ADGRB3: variants seen among roughly 807,000 people sequenced by gnomAD.
The protein encoded by ADGRB3 is adhesion G protein-coupled receptor B3.
A neutral mutation model predicts 193.4 loss-of-function variants in ADGRB3; 37 were observed. The observed-to-expected ratio is 0.19, with a 90% CI of 0.15 to 0.25. The LOEUF is 0.25. Ranked by LOEUF, ADGRB3 falls within the 10% of genes least tolerant of loss-of-function variation. ADGRB3 has a pLI of 1.00. For missense variants in ADGRB3, 1,637 were observed against 1,852.9 expected (o/e 0.88, Z 2.14); for synonymous variants, 690 against 644.2 (o/e 1.07, Z -1.08).
chr6:69,269,355 A>G (rs1374286005), intron 20 of ADGRB3, among the ~76,000 whole-genome samples: 1 of 152,188 alleles, frequency 6.6e-6, no homozygotes. Context: ...TAAAAATTTC[A>G]AACATTTACA....
intron 17 of ADGRB3, among the ~76,000 whole-genome samples, chr6:69,220,519 A>G (rs1765870207): frequency 6.6e-6 from 1 of 152,132 alleles, no homozygotes; most frequent in African/African-American, 2.4e-5. Context: ...GAACTTTCCT[A>G]ACAAAGGAGA....
intron 4 of ADGRB3, among the ~76,000 whole-genome samples, chr6:68,933,935 C>T (rs1192357545): frequency 6.6e-6 from 1 of 152,090 alleles, no homozygotes; most frequent in African/African-American, 2.4e-5. Context: ...TCCAAAGATA[C>T]ATATATTAAA....
chr6:69,128,346 T>A (rs925138185), intron 17 of ADGRB3, among the ~76,000 whole-genome samples: 3 of 152,146 alleles, frequency 2.0e-5, no homozygotes, highest in Non-Finnish European at 2.9e-5. Context: ...CAGTTTAGAG[T>A]CATTTCTTAA....
intron 3 of ADGRB3, among the ~76,000 whole-genome samples, chr6:68,801,156 C>T (rs1767303059): frequency 1.3e-5 from 2 of 152,132 alleles, no homozygotes; most frequent in Admixed American, 1.3e-4. Context: ...AAACTTAGTC[C>T]TCCTCCTCTG....
chr6:68,930,227 A>G (rs1767301226), intron 3 of ADGRB3, among the ~76,000 whole-genome samples: 1 of 152,036 alleles, frequency 6.6e-6, no homozygotes, highest in Admixed American at 6.6e-5. Context: ...TTCTCTCTCT[A>G]AAAAAACAAC....
intron 10 of ADGRB3, among the ~76,000 whole-genome samples, chr6:68,985,049 G>A (rs1237535440): frequency 6.6e-6 from 1 of 151,940 alleles, no homozygotes; most frequent in East Asian, 2.0e-4. Flanking sequence ...AAATATAATA[G>A]GATTAGCAGG....
At chr6:68,817,165 T>A in intron 3 of ADGRB3, among the ~76,000 whole-genome samples, 1 of 151,486 alleles carries the variant, frequency 6.6e-6, no homozygotes, top group East Asian at 1.9e-4. Flanking sequence ...TGGTATTTTA[T>A]AAATACAAGT....
At chr6:69,021,958 G>C (rs139335891) in intron 13 of ADGRB3, among the ~76,000 whole-genome samples, 1 of 151,542 alleles carries the variant, frequency 6.6e-6, no homozygotes, top group Admixed American at 6.6e-5. Context: ...ATCTCAAAAC[G>C]TTTAGCAGAG....
intron 3 of ADGRB3, among the ~76,000 whole-genome samples, chr6:68,927,764 A>C (rs1767222282): frequency 6.6e-6 from 1 of 152,164 alleles, no homozygotes; most frequent in Admixed American, 6.6e-5. Flanking sequence ...TCTGAAAAAA[A>C]AGAATGAATT....
intron 20 of ADGRB3, among the ~76,000 whole-genome samples, chr6:69,284,830 AT>A (rs1167896714): frequency 6.6e-6 from 1 of 152,132 alleles, no homozygotes; most frequent in Admixed American, 6.6e-5. Flanking sequence ...AAAAAAAAAG[AT>A]TATTGTAATG....
chr6:68,688,180 A>G (rs566281677), intron 3 of ADGRB3, among the ~76,000 whole-genome samples: 5 of 152,108 alleles, frequency 3.3e-5, no homozygotes, highest in Admixed American at 6.6e-5. Context: ...CACAATGCCA[A>G]CCCCATCATT....
At chr6:69,091,415 T>C (rs1454406376) in intron 17 of ADGRB3, among the ~76,000 whole-genome samples, 1 of 152,098 alleles carries the variant, frequency 6.6e-6, no homozygotes. Flanking sequence ...ATAGACTGGA[T>C]AAAGAAAATG....
chr6:68,639,439 G>T lies in ADGRB3; in HGVS notation c.757+7G>T, dbSNP rs1172251549. 1 of 1,592,428 alleles carries T rather than the reference G, an allele frequency of 6.3e-7. No individual in the cohort carries two copies. Among genetic ancestry groups the T allele is most frequent in the South Asian group, 1.1e-5 (1 of 88,880 alleles). ...AAGCGACCACCCAAAGAAGGTAAGTGCCAAAGAGAGGGGAAGGTGAGCGGG... is the reference window on the plus strand; with the variant it reads ...AAGCGACCACCCAAAGAAGGTAAGTTCCAAAGAGAGGGGAAGGTGAGCGGG... On this transcript the variant is annotated splice_region_variant and intron_variant, in intron 3 of 31. Transcript: ENST00000370598.
chr6:68,721,220 C>T (rs964405989), intron 3 of ADGRB3, among the ~76,000 whole-genome samples: 1 of 151,796 alleles, frequency 6.6e-6, no homozygotes, highest in South Asian at 2.1e-4. Context: ...AGACTTGGAA[C>T]CAACCCAAAT....
At chr6:69,038,726 G>T (rs1235277546) in intron 13 of ADGRB3, among the ~76,000 whole-genome samples, 3 of 152,082 alleles carry the variant, frequency 2.0e-5, no homozygotes, top group Non-Finnish European at 4.4e-5. Flanking sequence ...AGCATAAAAA[G>T]AATAAGCATT....
chr6:68,720,858 A>G (rs1765563368), intron 3 of ADGRB3, among the ~76,000 whole-genome samples: 1 of 151,798 alleles, frequency 6.6e-6, no homozygotes. Context: ...CAGAGTCTGC[A>G]GAGCAATAAA....
In ADGRB3 at chr6:68,981,180, A is replaced by G. The variant is rs1410991700; in HGVS notation, c.1734+5840A>G. Among the ~76,000 whole-genome samples, 6 of 151,594 alleles carry G rather than the reference A, an allele frequency of 4.0e-5. 1 individual carries two copies. The highest frequency in any genetic ancestry group is 8.9e-5 in the Non-Finnish European group (6 of 67,756). On this transcript the variant is annotated intron_variant, in intron 10 of 31. Transcript: ENST00000370598. ...ATTCAAATAATCATTGCAGAACCCA[A>G]CAATAACAAGGAAAAGTTAGAGTAT...
At chr6:68,960,111 G>A (rs1768190875) in intron 8 of ADGRB3, among the ~76,000 whole-genome samples, 1 of 152,092 alleles carries the variant, frequency 6.6e-6, no homozygotes, top group Non-Finnish European at 1.5e-5. Context: ...CCCAGGAGAA[G>A]GGCTTGCTAC....
At chr6:68,697,553 A>G (rs1247221216) in intron 3 of ADGRB3, among the ~76,000 whole-genome samples, 2 of 151,904 alleles carry the variant, frequency 1.3e-5, no homozygotes, top group East Asian at 3.9e-4. Context: ...TAATAATTTC[A>G]ATCAGTCTAA....
Sources: gnomAD v4.1 joint callset for allele counts (sites outside exome capture counted in the v4.1 genomes callset) on GRCh38, gnomAD v4.1.1 for gene constraint, MANE v1.5 for transcripts, NCBI Gene and HGNC (gene_info 2026-07-23, HGNC 2026-07-21) for gene names.